HHLA2: variants seen among roughly 807,000 people sequenced by gnomAD.
The protein encoded by HHLA2 is HHLA2 member of B7 family, also known as HERV-H LTR-associating protein 2.
In HHLA2, 48 loss-of-function variants were observed where a neutral mutation model predicts 45.9. That is an observed-to-expected ratio of 1.05 (90% CI 0.83 to 1.33). The LOEUF is 1.33. Ranked by LOEUF, HHLA2 falls within the 40% of genes most tolerant of loss-of-function variation. HHLA2 has a pLI of 0.00. For missense variants in HHLA2, 462 were observed against 494.3 expected (o/e 0.93, Z 0.62); for synonymous variants, 161 against 173.9 (o/e 0.93, Z 0.59).
At chr3:108,350,954 G>C (rs2081765390) in intron 3 of HHLA2, among the ~76,000 whole-genome samples, 1 of 152,162 alleles carries the variant, frequency 6.6e-6, no homozygotes, top group African/African-American at 2.4e-5. Context: ...CAAAGTGCTG[G>C]TATTACAGGT....
chr3:108,362,103 G>A (rs534622752), intron 7 of HHLA2, among the ~76,000 whole-genome samples: 1 of 152,216 alleles, frequency 6.6e-6, no homozygotes, highest in South Asian at 2.1e-4. Context: ...GATACACTGA[G>A]ACTAGGAGAT....
intron 6 of HHLA2, 117 bp downstream of exon 5, chr3:108,355,498 C>A: frequency 8.3e-7 from 1 of 1,203,572 alleles, no homozygotes; most frequent in Non-Finnish European, 1.2e-6. Context: ...CCATCTGCAG[C>A]GGTTAGAAGA....
At chr3:108,322,511 C>T (rs1482390715) in intron 2 of HHLA2, among the ~76,000 whole-genome samples, 1 of 152,154 alleles carries the variant, frequency 6.6e-6, no homozygotes, top group Non-Finnish European at 1.5e-5. Context: ...CCTCTTCTGC[C>T]TCATATTTGA....
intron 3 of HHLA2, among the ~76,000 whole-genome samples, chr3:108,334,235 G>A (rs902168759): frequency 1.3e-5 from 2 of 152,276 alleles, no homozygotes; most frequent in Middle Eastern, 3.4e-3. Flanking sequence ...CTCTGGCTTA[G>A]ATTAAACATG....
intron 3 of HHLA2, among the ~76,000 whole-genome samples, chr3:108,333,706 C>T (rs867580930): frequency 1.4e-4 from 21 of 152,034 alleles, no homozygotes; most frequent in African/African-American, 3.4e-4. Flanking sequence ...ATTCAGATCT[C>T]GCTGAAATCA....
At chr3:108,359,665 G>C (rs900379146) in intron 7 of HHLA2, among the ~76,000 whole-genome samples, 1 of 152,200 alleles carries the variant, frequency 6.6e-6, no homozygotes, top group South Asian at 2.1e-4. Context: ...TGAGGGTCAC[G>C]AGTACAGTGA....
chr3:108,345,864 A>G lies in HHLA2; in HGVS notation c.-26-5924A>G, dbSNP rs553612650. The stretch of plus-strand genomic sequence containing the variant: ...GCTAATGCCAATGGGGAAAACTTTA[A>G]CCACTGGGGGGCAACTTATAGATAA... On this transcript the variant is annotated intron_variant, in intron 3 of 10. Coordinates refer to ENST00000619531, the Ensembl canonical transcript of HHLA2. Among the ~76,000 whole-genome samples, 3 of 152,202 alleles carry G rather than the reference A, an allele frequency of 2.0e-5. No individual in the cohort carries two copies. The East Asian group carries it at 5.8e-4, about 29-fold the overall frequency.
At chr3:108,349,221 A>T (rs1313311475) in intron 3 of HHLA2, among the ~76,000 whole-genome samples, 2 of 101,700 alleles carry the variant, frequency 2.0e-5, no homozygotes, top group Non-Finnish European at 5.1e-5. Context: ...TAAAAAAAAA[A>T]ATCAACAAAA....
intron 2 of HHLA2, among the ~76,000 whole-genome samples, chr3:108,321,492 C>A (rs1052782737): frequency 3.3e-5 from 5 of 152,112 alleles, no homozygotes; most frequent in South Asian, 2.1e-4. Context: ...GTTGCGTTTT[C>A]TTTTTGCTGG....
At chr3:108,336,375 G>A (rs75393611) in intron 3 of HHLA2, among the ~76,000 whole-genome samples, 4 of 152,142 alleles carry the variant, frequency 2.6e-5, no homozygotes, top group Admixed American at 2.0e-4. Flanking sequence ...AGGAACCAAG[G>A]AGTGAGGAGG....
chr3:108,313,169 T>C (rs1322213982), intron 2 of HHLA2, among the ~76,000 whole-genome samples: 1 of 152,226 alleles, frequency 6.6e-6, no homozygotes, highest in Non-Finnish European at 1.5e-5. Flanking sequence ...GTTTTAAGAC[T>C]AGAAATATAT....
At chr3:108,365,713 G>A (rs1236918784) in intron 8 of HHLA2, among the ~76,000 whole-genome samples, 1 of 152,116 alleles carries the variant, frequency 6.6e-6, no homozygotes, top group Non-Finnish European at 1.5e-5. Context: ...CTTGTAAGTT[G>A]TATTCCTAGG....
intron 1 of HHLA2, chr3:108,302,830 G>T (rs148252946): frequency 6.6e-6 from 1 of 152,258 alleles, no homozygotes; most frequent in African/African-American, 2.4e-5. Flanking sequence ...TTCCTTGAGG[G>T]CATTTACTAG....
chr3:108,325,760 C>T lies in HHLA2; in HGVS notation c.-104-2510C>T, dbSNP rs182012005. On this transcript the variant is annotated intron_variant, in intron 2 of 10. Coordinates refer to ENST00000619531, the Ensembl canonical transcript of HHLA2. ...GCAGCCACCATATCTACGATCACCA[C>T]GGCTGCCACCAAAGCCACCACAACC... 52 of 268,840 alleles carry T rather than the reference C, an allele frequency of 1.9e-4. 1 individual carries two copies. Among genetic ancestry groups the T allele is most frequent in the Middle Eastern group, 1.3e-3 (1 of 746 alleles). 16.7% of individuals were successfully genotyped at this position (268,840 alleles called of 1,614,324 possible).
Position 108,357,883 on chromosome 3 carries a change from C to A in HHLA2, c.725C>A (p.Ser242Ter). ...ATGCAAAGTGAACACGTTTCACTCT[C>A]ATGTCAACCTGTAAATGATTATTTT... The change falls in exon 7 of 11, where the codon TCA becomes TAA. Residue 242 changes from serine to a stop codon, truncating the protein, a stop_gained. Coordinates refer to ENST00000619531, the Ensembl canonical transcript of HHLA2. LOFTEE classifies it high-confidence loss of function. 1 of 1,613,628 alleles carries A rather than the reference C, an allele frequency of 6.2e-7. No homozygotes were observed. Among genetic ancestry groups the A allele is most frequent in the Non-Finnish European group, 8.5e-7 (1 of 1,179,692 alleles).
At chr3:108,298,900 A>G (rs772668319) in intron 1 of HHLA2, among the ~76,000 whole-genome samples, 74 of 149,916 alleles carry the variant, frequency 4.9e-4, no homozygotes, top group Middle Eastern at 3.4e-3. Flanking sequence ...AGGCAAATGT[A>G]CACTTGCAGC....
At chr3:108,377,405 G>A in exon 11 of HHLA2, 2 of 657,024 alleles carry the variant, frequency 3.0e-6, no homozygotes, top group Admixed American at 2.9e-5. Flanking sequence ...ACTGCAAAGA[G>A]TTGTAACCAT....
chr3:108,373,431 G>GCC (rs914396479), intron 8 of HHLA2, among the ~76,000 whole-genome samples: 1 of 126,650 alleles, frequency 7.9e-6, no homozygotes, highest in Non-Finnish European at 1.7e-5. Flanking sequence ...AGACAGGGAT[G>GCC]CCCTCTCACC....
At chr3:108,313,589 G>A (rs1198203246) in intron 2 of HHLA2, among the ~76,000 whole-genome samples, 2 of 152,186 alleles carry the variant, frequency 1.3e-5, no homozygotes, top group Admixed American at 6.5e-5. Flanking sequence ...CAGTGGTGCA[G>A]CACCAAGGCA....
Sources: allele counts gnomAD v4.1 joint callset (sites outside exome capture counted in the v4.1 genomes callset), GRCh38; gene constraint gnomAD v4.1.1; transcripts MANE v1.5; gene names NCBI Gene and HGNC (gene_info 2026-07-23, HGNC 2026-07-21).